Variants in NIPBL observed in about 807,000 individuals in gnomAD.
NIPBL encodes the protein nipped-B-like protein.
Under a neutral mutation model 321.8 loss-of-function variants are expected in NIPBL, and 19 were observed. The observed-to-expected ratio is 0.06, with a 90% confidence interval of 0.04 to 0.09. The LOEUF is 0.09. Ranked by LOEUF, NIPBL falls within the 10% of genes least tolerant of loss-of-function variation. The pLI, the probability that NIPBL is intolerant of heterozygous loss-of-function variation, is 1.00. For synonymous variants in NIPBL, 1,106 were observed against 1,114.1 expected, an observed-to-expected ratio of 0.99 and a Z score of 0.14; for missense variants, 2,210 against 3,327.0, an observed-to-expected ratio of 0.66 and a Z score of 8.26.
At chr5:37,042,318 C>G (rs1752490772) in intron 34 of NIPBL, among the ~76,000 whole-genome samples, 1 of 151,078 alleles carries the variant, frequency 6.6e-6, no homozygotes, top group Admixed American at 6.6e-5. Flanking sequence ...ACCTATAGTC[C>G]CAGCTCCTCG....
chr5:36,932,778 G>GTTTT (rs35264312), intron 1 of NIPBL, among the ~76,000 whole-genome samples: 1,017 of 69,788 alleles, frequency 0.015, 36 homozygotes, highest in Admixed American at 0.033. Context: ...TTCCTCTGCT[G>GTTTT]TTTTTTTTTT....
At chr5:36,905,194 T>C (rs1392287510) in intron 1 of NIPBL, among the ~76,000 whole-genome samples, 3 of 152,176 alleles carry the variant, frequency 2.0e-5, no homozygotes, top group African/African-American at 7.2e-5. Flanking sequence ...AGCAGTTAGT[T>C]GGAAAGGGGT....
chr5:37,041,002 C>T (rs1327877084), intron 34 of NIPBL, among the ~76,000 whole-genome samples: 1 of 150,680 alleles, frequency 6.6e-6, no homozygotes, highest in East Asian at 1.9e-4. Flanking sequence ...TCATATCATT[C>T]GTTCATTTTA....
intron 34 of NIPBL, among the ~76,000 whole-genome samples, chr5:37,040,919 G>A (rs933702806): frequency 3.3e-5 from 5 of 152,150 alleles, no homozygotes; most frequent in African/African-American, 9.7e-5. Flanking sequence ...TGACTGCAAA[G>A]AAGGTTGAGC....
At chr5:36,951,088 T>C (rs1740235508) in intron 1 of NIPBL, among the ~76,000 whole-genome samples, 1 of 152,198 alleles carries the variant, frequency 6.6e-6, no homozygotes, top group South Asian at 2.1e-4. Context: ...CAAGTAAGTA[T>C]TGTTGCTCTC....
At chr5:37,019,912 G>A (rs1303400188) in intron 25 of NIPBL, among the ~76,000 whole-genome samples, 3 of 152,070 alleles carry the variant, frequency 2.0e-5, no homozygotes, top group African/African-American at 7.2e-5. Context: ...TTAACTGGTG[G>A]GATATGCAAT....
chr5:37,014,443 A>G (rs1748685431), intron 21 of NIPBL, among the ~76,000 whole-genome samples: 2 of 152,148 alleles, frequency 1.3e-5, no homozygotes, highest in South Asian at 4.1e-4. Context: ...AAATTTGTTA[A>G]CCACATATGT....
At chr5:36,891,989 A>G (rs1746366017) in intron 1 of NIPBL, among the ~76,000 whole-genome samples, 1 of 152,168 alleles carries the variant, frequency 6.6e-6, no homozygotes, top group African/African-American at 2.4e-5. Flanking sequence ...TATAAGTTAA[A>G]TCAGTTTTGG....
Position 36,971,050 on chromosome 5 carries a change from T to C in NIPBL, c.771+14T>C. On this transcript the variant is annotated intron_variant, in intron 7 of 46. Coordinates refer to ENST00000282516, the MANE Select transcript of NIPBL (RefSeq NM_133433.4). ...CTAAGTAGTGACGTATGTAATATAT[T>C]ATCATTAAGGTGATAAAATAGTTCT... The C allele has an allele frequency of 6.2e-7, 1 of 1,603,614 alleles. No homozygotes were observed. The highest frequency in any genetic ancestry group is 8.5e-7 in the Non-Finnish European group (1 of 1,170,656).
At chr5:37,022,820 T>A (rs1749804413) in intron 29 of NIPBL, among the ~76,000 whole-genome samples, 1 of 152,220 alleles carries the variant, frequency 6.6e-6, no homozygotes, top group African/African-American at 2.4e-5. Context: ...TAGGTGCATC[T>A]TCTTGTTTCC....
intron 1 of NIPBL, among the ~76,000 whole-genome samples, chr5:36,903,238 T>C (rs1747372073): frequency 6.6e-6 from 1 of 152,200 alleles, no homozygotes; most frequent in Admixed American, 6.5e-5. Context: ...CTTTCTCTCT[T>C]CCTATTCAGA....
At chr5:37,018,067 A>T (rs1242059632) in intron 24 of NIPBL, among the ~76,000 whole-genome samples, 7 of 152,130 alleles carry the variant, frequency 4.6e-5, no homozygotes, top group African/African-American at 1.2e-4. Flanking sequence ...TAACACCAAC[A>T]TTGAAATCAT....
chr5:37,040,281 A>G (rs1430927104), intron 34 of NIPBL, among the ~76,000 whole-genome samples: 3 of 152,146 alleles, frequency 2.0e-5, no homozygotes, highest in South Asian at 2.1e-4. Flanking sequence ...GTATATAAAT[A>G]AGAGTATCTC....
At chr5:36,878,631 G>C (rs1177808359) in intron 1 of NIPBL, among the ~76,000 whole-genome samples, 1 of 152,180 alleles carries the variant, frequency 6.6e-6, no homozygotes, top group Non-Finnish European at 1.5e-5. Context: ...TATTGTCACT[G>C]TAGAATAAGT....
chr5:36,877,184 T>G lies in NIPBL; in HGVS notation c.-80+6T>G. 1 of 224,182 alleles carries G rather than the reference T, an allele frequency of 4.5e-6. No homozygotes were observed. The highest frequency in any genetic ancestry group is 5.8e-5 in the Admixed American group (1 of 17,290). 13.9% of individuals were successfully genotyped at this position (224,182 alleles called of 1,614,324 possible). ...TCAGACGCCGATTCGCCCAGGTAAA[T>G]TCCTGCTCTTTATTTCGGCGGCGGC... On this transcript the variant is annotated splice_donor_region_variant and intron_variant, in intron 1 of 46. Coordinates refer to ENST00000282516, the MANE Select transcript of NIPBL (RefSeq NM_133433.4).
intron 1 of NIPBL, among the ~76,000 whole-genome samples, chr5:36,926,511 A>G (rs1456745923): frequency 6.6e-6 from 1 of 152,200 alleles, no homozygotes; most frequent in Non-Finnish European, 1.5e-5. Context: ...TGGCTTTTTC[A>G]TGGTCATGTG....
At chr5:36,917,649 G>C (rs541512178) in intron 1 of NIPBL, among the ~76,000 whole-genome samples, 2,433 of 152,094 alleles carry the variant, frequency 0.016, 76 homozygotes, top group African/African-American at 0.055. Flanking sequence ...GGGTTTTTAT[G>C]GTTTTAGGTC....
chr5:37,014,782 T>C lies in NIPBL; in HGVS notation c.4643+17T>C. 8.9e-6 allele frequency: 13 copies of C among 1,462,314 alleles called. No individual in the cohort carries two copies. The highest frequency in any genetic ancestry group is 1.2e-5 in the Non-Finnish European group (13 of 1,041,522). The allele number at this position is 1,462,314 out of a possible 1,614,324, so 90.6% of individuals were successfully genotyped here. ...CCTTAAAAAGTGAGTAAAATTAATA[T>C]AAATCTGGTTTTTCTTTTCCACAGT... is the stretch of plus-strand genomic sequence containing the variant. On this transcript the variant is annotated intron_variant, in intron 22 of 46. Coordinates refer to ENST00000282516, the MANE Select transcript of NIPBL (RefSeq NM_133433.4).
At position 37,051,808 on chromosome 5, in the gene NIPBL, A is replaced by G. The variant is rs1414361851; in HGVS notation, c.6984A>G (p.Thr2328=). 1 of 1,613,922 alleles carries G rather than the reference A, an allele frequency of 6.2e-7. No individual in the cohort carries two copies. Among genetic ancestry groups the G allele is most frequent in the Non-Finnish European group, 8.5e-7 (1 of 1,179,848 alleles). Residue 2328 remains threonine (T), a synonymous_variant, in exon 41 of 47, where the codon ACA becomes ACG. Coordinates refer to ENST00000282516, the MANE Select transcript of NIPBL (RefSeq NM_133433.4). ...TGCCATATTTAATTGCTATGGGCACAGACCCAGAACCTGCTATGCGGAACA... is the reference window on the plus strand; with the variant it reads ...TGCCATATTTAATTGCTATGGGCACGGACCCAGAACCTGCTATGCGGAACA... ...QCVPYLIAMG[T]DPEPAMRNKA... is the part of the protein sequence containing the mutation.
Sources: gnomAD v4.1 joint callset for allele counts (sites outside exome capture counted in the v4.1 genomes callset) on GRCh38, gnomAD v4.1.1 for gene constraint, MANE v1.5 for transcripts, NCBI Gene and HGNC (gene_info 2026-07-23, HGNC 2026-07-21) for gene names.